Variants in PABPC1 observed in about 807,000 individuals in gnomAD.
PABPC1 encodes polyadenylate-binding protein 1.
A neutral mutation model predicts 74.0 loss-of-function variants in PABPC1; 4 were observed. That is an observed-to-expected ratio of 0.05 (90% CI 0.03 to 0.12). PABPC1 has a LOEUF of 0.12. Ranked by LOEUF, PABPC1 falls within the 10% of genes least tolerant of loss-of-function variation. The probability of loss-of-function intolerance (pLI) is 1.00; values close to 1 mark genes in which losing one functional copy is unlikely to be tolerated. For synonymous variants in PABPC1, 227 were observed against 264.1 expected (o/e 0.86, Z 1.36); for missense variants, 271 against 821.1 (o/e 0.33, Z 8.19).
rs995968406 is a variant in PABPC1 at position 100,721,286 on chromosome 8, C to T, written c.193+105G>A. 19 of 430,616 alleles carry T rather than the reference C, an allele frequency of 4.4e-5. 1 individual carries two copies. The highest frequency in any genetic ancestry group is 6.1e-5 in the Non-Finnish European group (19 of 309,312). 26.7% of individuals were successfully genotyped at this position (430,616 alleles called of 1,614,324 possible). On this transcript the variant is annotated intron_variant, in intron 1 of 14. Coordinates refer to ENST00000318607, the MANE Select transcript of PABPC1 (RefSeq NM_002568.4). This position sits in a 1 kb window ranked among gnomAD's most constrained non-coding sequence, Gnocchi z 7.4. ...CGCCGGCCGTCGCGGGGTGACATGCCCTCCCGCCCCCCTCCCCGGGCCCGC... is the reference window on the plus strand; with the variant it reads ...CGCCGGCCGTCGCGGGGTGACATGCTCTCCCGCCCCCCTCCCCGGGCCCGC...
rs539763195 is a variant in PABPC1 at position 100,705,779 on chromosome 8, T to C, written c.1603-106A>G. ...GAAGTGGTAGACTTCCATCGAAACA[T>C]GAGGTGGAGAAGTTGAGTGAGCGAA... is the stretch of plus-strand genomic sequence containing the variant. On this transcript the variant is annotated intron_variant, in intron 11 of 14. Transcript: ENST00000318607. The C allele has an allele frequency of 1.7e-3, 1,273 of 750,476 alleles. 12 individuals carry two copies. Among genetic ancestry groups the C allele is most frequent in the South Asian group, 4.5e-3 (291 of 64,162 alleles). 46.5% of individuals were successfully genotyped at this position (750,476 alleles called of 1,614,324 possible).
At position 100,713,152 on chromosome 8, in the gene PABPC1, C is replaced by G; in HGVS notation, c.673G>C (p.Asp225His). The G allele has an allele frequency of 6.2e-7, 1 of 1,610,744 alleles. No homozygotes were observed. Among genetic ancestry groups the G allele is most frequent in the Non-Finnish European group, 8.5e-7 (1 of 1,178,826 alleles). Residue 225 changes from aspartate to histidine, a missense_variant, in exon 5 of 15, where the codon GAT (aspartate) becomes CAT (histidine). Asp to His is a moderately conservative substitution (Grantham distance 81). Around this residue, in one of 7 missense-constraint regions of PABPC1, gnomAD observed 78 missense variants for 202.8 expected, o/e 0.38. Transcript: ENST00000318607. The stretch of plus-strand genomic sequence containing the variant: ...AATCCTTTGGATTTTCCACTTTCAT[C>G]AGTCATTACTTTCACACTTAAGGCA... ...GPALSVKVMTDESGKSKGFGF... is the reference protein window; with the variant it reads ...GPALSVKVMTHESGKSKGFGF...
intron 7 of PABPC1, among the ~76,000 whole-genome samples, chr8:100,711,676 C>T (rs1423606786): frequency 6.6e-6 from 1 of 152,220 alleles, no homozygotes; most frequent in East Asian, 1.9e-4. Flanking sequence ...TGTATTCAAC[C>T]ACCTTTCCCC....
chr8:100,714,071 G>A lies in PABPC1; in HGVS notation c.644-890C>T, dbSNP rs563055195. ...TATCTCAGGCAAGTGGGGCAGAAAA[G>A]GTTAAAAATCACATTTGATTACAGA... is the stretch of plus-strand genomic sequence containing the variant. On this transcript the variant is annotated intron_variant, in intron 4 of 14. Coordinates refer to ENST00000318607, the MANE Select transcript of PABPC1 (RefSeq NM_002568.4). 2.2e-4 allele frequency among the ~76,000 whole-genome samples: 34 copies of A among 152,302 alleles called. No individual in the cohort carries two copies. The South Asian group carries it at 7.0e-3, about 32-fold the overall frequency.
At chr8:100,709,420 C>G (rs770284856) in intron 8 of PABPC1, 39 bp downstream of exon 8, 1 of 1,609,308 alleles carries the variant, frequency 6.2e-7, no homozygotes, top group South Asian at 1.1e-5. Context: ...TGACCAAATA[C>G]GAAAACCTTC....
In PABPC1 at chr8:100,721,793, G is replaced by A. The variant is rs1316932889; in HGVS notation, c.-210C>T. On this transcript the variant is annotated 5_prime_UTR_variant, in exon 1 of 15. Transcript: ENST00000318607. This position sits in a 1 kb window ranked among gnomAD's most constrained non-coding sequence, Gnocchi z 7.4. ...TGCCGGCTGCCGGCGGGGAGCGAGG[G>A]TGGCGGTGTCGGGTCCGGGCAGCGG... The A allele has an allele frequency of 2.3e-6, 1 of 440,302 alleles. No individual in the cohort carries two copies. Among genetic ancestry groups the A allele is most frequent in the Non-Finnish European group, 4.0e-6 (1 of 250,204 alleles). The allele number at this position is 440,302 out of a possible 1,614,324, so 27.3% of individuals were successfully genotyped here.
At position 100,721,743 on chromosome 8, in the gene PABPC1, A is replaced by C; in HGVS notation, c.-160T>G. ...TTGAAAACTACTCAACGGCCGCAGAACGGGGTCGATCCACTGCCGCTGGCT... is the reference window on the plus strand; with the variant it reads ...TTGAAAACTACTCAACGGCCGCAGACCGGGGTCGATCCACTGCCGCTGGCT... On this transcript the variant is annotated 5_prime_UTR_variant, in exon 1 of 15. Coordinates refer to ENST00000318607, the MANE Select transcript of PABPC1 (RefSeq NM_002568.4). This position sits in a 1 kb window ranked among gnomAD's most constrained non-coding sequence, Gnocchi z 7.4. The C allele has an allele frequency of 1.2e-5, 7 of 583,920 alleles. No individual in the cohort carries two copies. The highest frequency in any genetic ancestry group is 3.6e-5 in the Admixed American group (1 of 27,444). 36.2% of individuals were successfully genotyped at this position (583,920 alleles called of 1,614,324 possible).
chr8:100,720,791 G>C (rs926605085), intron 1 of PABPC1, among the ~76,000 whole-genome samples: 3 of 152,184 alleles, frequency 2.0e-5, no homozygotes, highest in Non-Finnish European at 4.4e-5. Flanking sequence ...ATGAGTTCTG[G>C]GAAGTGGACT....
chr8:100,706,402 T>C (rs1696519183), intron 11 of PABPC1, among the ~76,000 whole-genome samples: 1 of 152,128 alleles, frequency 6.6e-6, no homozygotes, highest in South Asian at 2.1e-4. Flanking sequence ...CGAGCAATCC[T>C]CCTGCCTCAG....
At chr8:100,704,442 G>A in intron 13 of PABPC1, 52 bp from the exon 14 acceptor site, 1 of 1,420,286 alleles carries the variant, frequency 7.0e-7, no homozygotes, top group Non-Finnish European at 1.0e-6. Flanking sequence ...TGGAAATAAA[G>A]AGTTTCATAA....
At chr8:100,711,365 A>T (rs1446487092) in intron 7 of PABPC1, among the ~76,000 whole-genome samples, 1 of 152,144 alleles carries the variant, frequency 6.6e-6, no homozygotes, top group Non-Finnish European at 1.5e-5. Flanking sequence ...GTGGCCTGCA[A>T]GCAGCGGGTT....
At chr8:100,703,683 AG>A (rs1244482747) in intron 14 of PABPC1, among the ~76,000 whole-genome samples, 1 of 152,196 alleles carries the variant, frequency 6.6e-6, no homozygotes, top group Non-Finnish European at 1.5e-5. Context: ...TAGAGACCCA[AG>A]GGCACCACCC....
chr8:100,706,865 T>C lies in PABPC1; in HGVS notation c.1447+22A>G, dbSNP rs184994442. The C allele has an allele frequency of 7.9e-3, 8,530 of 1,077,564 alleles. 47 individuals carry two copies. The highest frequency in any genetic ancestry group is 6.6e-3 in the Non-Finnish European group (5,508 of 831,640). The allele number at this position is 1,077,564 out of a possible 1,614,324, so 66.8% of individuals were successfully genotyped here. A position where few individuals can be genotyped will look rare whatever the true frequency, so the allele number is the denominator to read the frequency against. Reference sequence around the variant, plus strand: ...CTCTTTCAAATTGGTGATCAATTTTTAAAGGAAGGATTAAGACTCACCAAC... The same window carrying C: ...CTCTTTCAAATTGGTGATCAATTTTCAAAGGAAGGATTAAGACTCACCAAC... On this transcript the variant is annotated intron_variant, in intron 10 of 14. Coordinates refer to ENST00000318607, the MANE Select transcript of PABPC1 (RefSeq NM_002568.4).
intron 3 of PABPC1, among the ~76,000 whole-genome samples, chr8:100,717,397 G>A (rs1286297619): frequency 6.6e-6 from 1 of 152,216 alleles, no homozygotes; most frequent in Non-Finnish European, 1.5e-5. Flanking sequence ...AATTTAACCA[G>A]TACCTCAAGA....
chr8:100,718,045 G>A, intron 2 of PABPC1, 42 bp downstream of exon 2: 2 of 1,537,546 alleles, frequency 1.3e-6, no homozygotes, highest in Non-Finnish European at 1.8e-6. Context: ...ACTAAATGTA[G>A]CTCAACAATG....
chr8:100,711,350 C>T (rs189705634), intron 7 of PABPC1, among the ~76,000 whole-genome samples: 2 of 152,102 alleles, frequency 1.3e-5, no homozygotes, highest in East Asian at 3.9e-4. Context: ...ATTCTTGGGC[C>T]GCATGTGGCC....
chr8:100,705,786 G>A (rs371123443), intron 11 of PABPC1, 113 bp from the exon 12 acceptor site: 3 of 716,320 alleles, frequency 4.2e-6, no homozygotes, highest in African/African-American at 1.8e-5. Context: ...ACATGAGGTG[G>A]AGAAGTTGAG....
Position 100,712,809 on chromosome 8 carries a change from A to AAC in PABPC1, c.739-21_739-20insGT, listed in dbSNP as rs769662466. ...CACAGCCTTCCCCCCAAAAAAAAAGAAAAAAAAAAAATCACAAAACTTTCA... is the reference window on the plus strand; with the variant it reads ...CACAGCCTTCCCCCCAAAAAAAAAGAACAAAAAAAAAAATCACAAAACTTTCA... On this transcript the variant is annotated intron_variant, in intron 5 of 14. Transcript: ENST00000318607. The AAC allele has an allele frequency of 1.6e-4, 154 of 976,506 alleles. 1 individual carries two copies. The highest frequency in any genetic ancestry group is 2.3e-5 in the Non-Finnish European group (17 of 741,342). 60.5% of individuals were successfully genotyped at this position (976,506 alleles called of 1,614,324 possible). A position where few individuals can be genotyped will look rare whatever the true frequency, so the allele number is the denominator to read the frequency against.
Position 100,712,796 on chromosome 8 carries a change from C to CA in PABPC1, c.739-8_739-7insT. On this transcript the variant is annotated splice_polypyrimidine_tract_variant and splice_region_variant and intron_variant, in intron 5 of 14. Transcript: ENST00000318607. ...CGTTCATCTCATCCACAGCCTTCCC[C>CA]CCAAAAAAAAAGAAAAAAAAAAAAT... The CA allele has an allele frequency of 6.7e-7, 1 of 1,493,588 alleles. No homozygotes were observed. The highest frequency in any genetic ancestry group is 8.8e-7 in the Non-Finnish European group (1 of 1,136,268). 92.5% of individuals were successfully genotyped at this position (1,493,588 alleles called of 1,614,324 possible).
Sources: allele counts gnomAD v4.1 joint callset (sites outside exome capture counted in the v4.1 genomes callset), GRCh38; gene constraint gnomAD v4.1.1; regional missense constraint gnomAD v4.1.1; non-coding constraint Gnocchi (gnomAD v3.1); transcripts MANE v1.5; gene names NCBI Gene and HGNC (gene_info 2026-07-23, HGNC 2026-07-21).